Variants in GRID2 observed in about 807,000 individuals in gnomAD.
GRID2 encodes glutamate receptor ionotropic, delta-2.
A neutral mutation model predicts 114.8 loss-of-function variants in GRID2; 33 were observed. That is an observed-to-expected ratio of 0.29 (90% CI 0.22 to 0.38). The LOEUF (loss-of-function observed/expected upper bound fraction) is 0.38. Among genes scored for constraint, GRID2 ranks in the 10% least tolerant of loss-of-function variants. The pLI is 1.00. For synonymous variants in GRID2, 505 were observed against 449.9 expected, an observed-to-expected ratio of 1.12 and a Z score of -1.55; for missense variants, 1,184 against 1,257.7, an observed-to-expected ratio of 0.94 and a Z score of 0.89.
intron 13 of GRID2, among the ~76,000 whole-genome samples, chr4:93,558,400 G>A (rs950357442): frequency 3.2e-4 from 48 of 152,086 alleles, no homozygotes; most frequent in African/African-American, 1.1e-3. Context: ...AATGATAAAG[G>A]GGATATCACC....
chr4:93,218,423 G>A (rs1305083235), intron 6 of GRID2, among the ~76,000 whole-genome samples: 1 of 152,076 alleles, frequency 6.6e-6, no homozygotes, highest in East Asian at 1.9e-4. Context: ...AGAATCACCT[G>A]AGCCCTAGAG....
At chr4:92,804,245 A>T (rs888781792) in intron 2 of GRID2, among the ~76,000 whole-genome samples, 3 of 152,070 alleles carry the variant, frequency 2.0e-5, no homozygotes, top group African/African-American at 7.2e-5. Flanking sequence ...CTATGTTATT[A>T]AAGTAATTAA....
intron 2 of GRID2, among the ~76,000 whole-genome samples, chr4:92,643,388 T>A (rs936583478): frequency 1.3e-5 from 2 of 151,740 alleles, no homozygotes; most frequent in African/African-American, 4.8e-5. Context: ...AGAAAAAGAA[T>A]AAGTCAAACT....
chr4:93,759,073 A>G (rs1732994969), intron 14 of GRID2, among the ~76,000 whole-genome samples: 1 of 152,122 alleles, frequency 6.6e-6, no homozygotes, highest in Non-Finnish European at 1.5e-5. Flanking sequence ...TTTGCCGCCC[A>G]GTACTCATTT....
intron 11 of GRID2, among the ~76,000 whole-genome samples, chr4:93,486,254 G>T (rs866376498): frequency 5.9e-5 from 9 of 151,300 alleles, no homozygotes; most frequent in Admixed American, 4.6e-4. Context: ...TTTATCCTTT[G>T]TTCTCTTAGA....
chr4:93,471,768 T>C (rs1724850018), intron 11 of GRID2, among the ~76,000 whole-genome samples: 1 of 136,706 alleles, frequency 7.3e-6, no homozygotes, highest in African/African-American at 2.8e-5. Flanking sequence ...TGGCGTGATC[T>C]CGGCTCACTG....
intron 2 of GRID2, among the ~76,000 whole-genome samples, chr4:92,790,154 A>G (rs1046827758): frequency 6.6e-6 from 1 of 151,828 alleles, no homozygotes; most frequent in African/African-American, 2.4e-5. Context: ...AGTTATACAT[A>G]TAAGTATATA....
intron 1 of GRID2, among the ~76,000 whole-genome samples, chr4:92,338,292 C>T (rs1434641574): frequency 6.6e-6 from 1 of 152,026 alleles, no homozygotes; most frequent in Non-Finnish European, 1.5e-5. Context: ...TGTACCTATA[C>T]CATAAAATAA....
intron 13 of GRID2, among the ~76,000 whole-genome samples, chr4:93,538,076 T>C (rs1378913971): frequency 2.0e-5 from 3 of 151,890 alleles, no homozygotes; most frequent in African/African-American, 7.2e-5. Flanking sequence ...TTTTTATTCG[T>C]TTATTAAAAA....
intron 1 of GRID2, among the ~76,000 whole-genome samples, chr4:92,435,659 T>C (rs1380245791): frequency 1.3e-5 from 2 of 152,192 alleles, no homozygotes; most frequent in African/African-American, 4.8e-5. Context: ...TTTCCGAGCT[T>C]TCATATAAAA....
chr4:93,511,846 G>A lies in GRID2; in HGVS notation c.1998-3370G>A, dbSNP rs578071813. Among the ~76,000 whole-genome samples the A allele has an allele frequency of 1.7e-4, 25 of 149,722 alleles. No individual in the cohort carries two copies. In the East Asian group the frequency reaches 5.0e-3, roughly 30 times the overall value. On this transcript the variant is annotated intron_variant, in intron 12 of 15. Coordinates refer to ENST00000282020, the MANE Select transcript of GRID2 (RefSeq NM_001510.4). ...GTCGCCCAGGCTAGAGTGCAATGGT[G>A]CAATCTCAGCTCACTGCAACCTCCA...
At chr4:93,211,217 C>T (rs916253208) in intron 5 of GRID2, among the ~76,000 whole-genome samples, 1 of 151,824 alleles carries the variant, frequency 6.6e-6, no homozygotes, top group African/African-American at 2.4e-5. Context: ...GTCATTTACC[C>T]ACTGTTTAAG....
In GRID2 at chr4:93,631,668, A is replaced by G. The variant is rs1429298072; in HGVS notation, c.2360+5233A>G. On this transcript the variant is annotated intron_variant, in intron 14 of 15. Transcript: ENST00000282020. The stretch of plus-strand genomic sequence containing the variant: ...CTTTGCTATTGTGAATAGTGCCACA[A>G]TAAATATACGTGTGCATGTGTCTTT... Among the ~76,000 whole-genome samples the G allele has an allele frequency of 5.3e-5, 8 of 152,296 alleles. No individual in the cohort carries two copies. The East Asian group carries it at 1.2e-3, about 22-fold the overall frequency.
chr4:93,166,972 T>C (rs761079220), intron 4 of GRID2, among the ~76,000 whole-genome samples: 1 of 152,144 alleles, frequency 6.6e-6, no homozygotes, highest in Non-Finnish European at 1.5e-5. Context: ...AGGCAGTGCA[T>C]TGACAATTAT....
At chr4:93,293,176 C>T (rs887671226) in intron 8 of GRID2, among the ~76,000 whole-genome samples, 1 of 151,856 alleles carries the variant, frequency 6.6e-6, no homozygotes, top group Non-Finnish European at 1.5e-5. Flanking sequence ...GCCTCCAAGT[C>T]AGAAAAAAAA....
chr4:92,452,340 CAG>C (rs1304898165), intron 1 of GRID2, among the ~76,000 whole-genome samples: 8 of 145,406 alleles, frequency 5.5e-5, no homozygotes, highest in South Asian at 2.2e-4. Flanking sequence ...TTTTTTTAGA[CAG>C]AGTCTCACTT....
chr4:92,316,795 T>C (rs1023613246), intron 1 of GRID2, among the ~76,000 whole-genome samples: 1 of 152,126 alleles, frequency 6.6e-6, no homozygotes, highest in Non-Finnish European at 1.5e-5. Context: ...GAAAAAGACA[T>C]AGAAATGGGA....
At chr4:92,411,879 G>C (rs1050644775) in intron 1 of GRID2, among the ~76,000 whole-genome samples, 6 of 151,262 alleles carry the variant, frequency 4.0e-5, no homozygotes, top group Non-Finnish European at 5.9e-5. Context: ...CTAATTTTTT[G>C]TATTTTTAGT....
intron 2 of GRID2, among the ~76,000 whole-genome samples, chr4:92,721,701 G>A (rs960578926): frequency 7.2e-5 from 11 of 152,154 alleles, no homozygotes; most frequent in African/African-American, 2.6e-4. Context: ...ACCTTTTTCT[G>A]TAAATATTTT....
Sources: gnomAD v4.1 joint callset for allele counts (sites outside exome capture counted in the v4.1 genomes callset) on GRCh38, gnomAD v4.1.1 for gene constraint, MANE v1.5 for transcripts, NCBI Gene and HGNC (gene_info 2026-07-23, HGNC 2026-07-21) for gene names.